LTBP1: variants seen among roughly 807,000 people sequenced by gnomAD.
LTBP1 encodes the protein latent transforming growth factor beta binding protein 1, also known as latent-transforming growth factor beta-binding protein 1.
A neutral mutation model predicts 207.6 loss-of-function variants in LTBP1; 129 were observed. The observed-to-expected ratio is 0.62, with a 90% CI of 0.54 to 0.72. The LOEUF (loss-of-function observed/expected upper bound fraction) is 0.72, where lower values mean the gene tolerates loss of function less well. LTBP1 is among the 30% of genes least tolerant of loss of function. The pLI is 0.00. For synonymous variants in LTBP1, 963 were observed against 833.7 expected (o/e 1.16, Z -2.67); for missense variants, 2,281 against 2,217.2 (o/e 1.03, Z -0.58).
chr2:33,081,744 T>A (rs2078418634), intron 3 of LTBP1, among the ~76,000 whole-genome samples: 1 of 152,116 alleles, frequency 6.6e-6, no homozygotes, highest in Non-Finnish European at 1.5e-5. Context: ...TCCCCATATG[T>A]CGTGGGAGGG....
At chr2:33,154,579 T>C (rs79834001) in intron 5 of LTBP1, among the ~76,000 whole-genome samples, 2,292 of 152,352 alleles carry the variant, frequency 0.015, 23 homozygotes, top group East Asian at 0.027. Context: ...ATATAACTTA[T>C]TGAACTGGAC....
At chr2:33,052,414 G>A (rs866899266) in intron 3 of LTBP1, among the ~76,000 whole-genome samples, 61 of 152,336 alleles carry the variant, frequency 4.0e-4, no homozygotes, top group African/African-American at 1.3e-3. Context: ...CATCATCTCT[G>A]TAAGTGAATG....
intron 32 of LTBP1, among the ~76,000 whole-genome samples, chr2:33,393,031 C>T (rs1007933223): frequency 6.6e-6 from 1 of 151,534 alleles, no homozygotes; most frequent in Non-Finnish European, 1.5e-5. Context: ...ATGTATTACT[C>T]AATTTTTTTT....
chr2:32,984,727 C>T (rs112445450), intron 2 of LTBP1, among the ~76,000 whole-genome samples: 14,669 of 151,552 alleles, frequency 0.097, 934 homozygotes, highest in Non-Finnish European at 0.14. Context: ...TCGAGACCAG[C>T]CTGGCCAACA....
At chr2:33,385,971 A>C (rs2095262257) in intron 31 of LTBP1, among the ~76,000 whole-genome samples, 1 of 152,158 alleles carries the variant, frequency 6.6e-6, no homozygotes. Context: ...TTTAAGAGGA[A>C]AAAACGCATG....
chr2:33,281,826 AT>A (rs1176419583), intron 19 of LTBP1, among the ~76,000 whole-genome samples: 1 of 152,116 alleles, frequency 6.6e-6, no homozygotes, highest in Non-Finnish European at 1.5e-5. Context: ...CAGTTTTCCC[AT>A]TTGGCATAAA....
intron 4 of LTBP1, among the ~76,000 whole-genome samples, chr2:33,121,930 G>C (rs1223088370): frequency 6.6e-6 from 1 of 152,070 alleles, no homozygotes; most frequent in South Asian, 2.1e-4. Flanking sequence ...TCACCAATTT[G>C]ACTTTCTCCC....
chr2:32,981,894 C>A (rs1453830681), intron 2 of LTBP1, among the ~76,000 whole-genome samples: 7 of 152,152 alleles, frequency 4.6e-5, no homozygotes, highest in Non-Finnish European at 1.0e-4. Flanking sequence ...GTCCATTAAA[C>A]CTGTTTTATA....
intron 7 of LTBP1, among the ~76,000 whole-genome samples, chr2:33,196,725 T>C (rs551410040): frequency 6.6e-6 from 1 of 152,240 alleles, no homozygotes; most frequent in Middle Eastern, 3.4e-3. Flanking sequence ...GCAGGGAGGA[T>C]TGTGAGAAGA....
At chr2:33,209,114 C>T (rs1293049092) in intron 7 of LTBP1, among the ~76,000 whole-genome samples, 1 of 152,010 alleles carries the variant, frequency 6.6e-6, no homozygotes, top group East Asian at 1.9e-4. Context: ...CTCAAGTGAC[C>T]CGCCTGCCTT....
chr2:33,243,560 TAAAAG>T, intron 9 of LTBP1, 97 bp from the exon 10 acceptor site: 1 of 1,069,292 alleles, frequency 9.4e-7, no homozygotes, highest in Non-Finnish European at 1.4e-6. Context: ...TCACTATAAC[TAAAAG>T]ATTACTATAG....
chr2:33,184,747 A>G (rs1573037714), intron 5 of LTBP1, among the ~76,000 whole-genome samples: 2 of 150,150 alleles, frequency 1.3e-5, no homozygotes, highest in Admixed American at 6.7e-5. Context: ...AGTGATAGGT[A>G]TAAATCTGTC....
At chr2:33,324,788 G>A (rs962701374) in intron 24 of LTBP1, among the ~76,000 whole-genome samples, 12 of 141,926 alleles carry the variant, frequency 8.5e-5, no homozygotes, top group Admixed American at 3.0e-4. Context: ...TGCAACCTCC[G>A]CTTCCTGGGT....
chr2:33,252,547 C>G (rs1432439432), intron 10 of LTBP1, 130 bp from the exon 11 acceptor site: 2 of 848,884 alleles, frequency 2.4e-6, no homozygotes, highest in Non-Finnish European at 3.5e-6. Context: ...AGGTGATGCT[C>G]TAAATCTAGA....
chr2:33,074,197 A>AT (rs1156710495), intron 3 of LTBP1, among the ~76,000 whole-genome samples: 1 of 152,270 alleles, frequency 6.6e-6, no homozygotes, highest in Non-Finnish European at 1.5e-5. Flanking sequence ...TGAACTAAAT[A>AT]TAAGCTGGCA....
chr2:33,015,027 A>G (rs765628201), intron 2 of LTBP1, among the ~76,000 whole-genome samples: 12 of 148,752 alleles, frequency 8.1e-5, no homozygotes, highest in South Asian at 2.1e-4. Context: ...GGGTCTTGCT[A>G]TGTTGCACAG....
intron 24 of LTBP1, among the ~76,000 whole-genome samples, chr2:33,330,690 C>T (rs1230644519): frequency 1.3e-5 from 2 of 150,316 alleles, no homozygotes; most frequent in African/African-American, 4.9e-5. Flanking sequence ...ATTTGTTTTC[C>T]TTATAGCAGT....
intron 12 of LTBP1, among the ~76,000 whole-genome samples, chr2:33,257,904 A>G (rs1472562694): frequency 2.0e-5 from 3 of 152,254 alleles, no homozygotes; most frequent in African/African-American, 7.2e-5. Flanking sequence ...TTAAAGCATT[A>G]AGGTCTAATG....
chr2:32,978,370 G>A (rs1322400752), intron 2 of LTBP1, among the ~76,000 whole-genome samples: 1 of 151,914 alleles, frequency 6.6e-6, no homozygotes, highest in Non-Finnish European at 1.5e-5. Context: ...ACTCAGGTAT[G>A]TTTTTTTCTA....
Sources: gnomAD v4.1 joint callset for allele counts (sites outside exome capture counted in the v4.1 genomes callset) on GRCh38, gnomAD v4.1.1 for gene constraint, MANE v1.5 for transcripts, NCBI Gene and HGNC (gene_info 2026-07-23, HGNC 2026-07-21) for gene names.